The following CNTNAP2 variants were observed in gnomAD, a reference collection of about 807,000 sequenced individuals.
The protein encoded by CNTNAP2 is contactin associated protein 2, also known as contactin-associated protein-like 2.
A neutral mutation model predicts 155.2 loss-of-function variants in CNTNAP2; 98 were observed. The observed-to-expected ratio is 0.63, with a 90% CI of 0.54 to 0.75. The LOEUF (loss-of-function observed/expected upper bound fraction) is 0.75. CNTNAP2 is among the 30% of genes least tolerant of loss of function. CNTNAP2 has a pLI of 0.00. For missense variants in CNTNAP2, 1,727 were observed against 1,688.1 expected (o/e 1.02, Z -0.40); for synonymous variants, 651 against 631.2 (o/e 1.03, Z -0.47).
chr7:148,108,557 T>C (rs75255948), intron 15 of CNTNAP2, among the ~76,000 whole-genome samples: 1,578 of 152,104 alleles, frequency 0.01, 17 homozygotes, highest in South Asian at 0.044. Context: ...CTCCCCGTGG[T>C]TGGAACTGGA....
chr7:146,136,548 G>A (rs1353857291), intron 1 of CNTNAP2, among the ~76,000 whole-genome samples: 3 of 152,234 alleles, frequency 2.0e-5, no homozygotes, highest in Middle Eastern at 3.4e-3. Flanking sequence ...GGAAATTAGT[G>A]TGGCGTGGAG....
chr7:147,556,031 G>A (rs558763550), intron 11 of CNTNAP2, among the ~76,000 whole-genome samples: 43 of 152,336 alleles, frequency 2.8e-4, no homozygotes, highest in African/African-American at 9.9e-4. Context: ...GGCCACGTCT[G>A]CATGTAAGCA....
At chr7:147,830,549 G>T (rs1192068062) in intron 13 of CNTNAP2, among the ~76,000 whole-genome samples, 2 of 152,182 alleles carry the variant, frequency 1.3e-5, no homozygotes, top group Non-Finnish European at 2.9e-5. Context: ...AAGCTGTAAA[G>T]AAGGGAAAAT....
rs115701804 is a variant in CNTNAP2, at chr7:146,391,329, G to A, written c.97+274356G>A. ...GCCTTGCTTTTTGTGCTGGAGCATC[G>A]TCAGCACTTAGATGATGTGAGCTTT... is the stretch of plus-strand genomic sequence containing the variant. On this transcript the variant is annotated intron_variant, in intron 1 of 23. Coordinates refer to ENST00000361727, the MANE Select transcript of CNTNAP2 (RefSeq NM_014141.6). 6.9e-3 allele frequency among the ~76,000 whole-genome samples: 1,043 copies of A among 151,816 alleles called. 10 individuals are homozygous for A. The highest frequency in any genetic ancestry group is 0.023 in the African/African-American group (939 of 41,444).
chr7:146,635,472 C>T (rs1308001087), intron 1 of CNTNAP2, among the ~76,000 whole-genome samples: 2 of 152,084 alleles, frequency 1.3e-5, no homozygotes, highest in Non-Finnish European at 1.5e-5. Flanking sequence ...GATGACACAT[C>T]GTAGAGAAGA....
At chr7:148,405,581 C>T (rs1020796204) in intron 22 of CNTNAP2, among the ~76,000 whole-genome samples, 56 of 141,566 alleles carry the variant, frequency 4.0e-4, no homozygotes, top group South Asian at 6.9e-4. Context: ...GGACTACAGG[C>T]ACGTGCCACC....
At chr7:146,358,224 C>T (rs1028290252) in intron 1 of CNTNAP2, among the ~76,000 whole-genome samples, 5 of 151,860 alleles carry the variant, frequency 3.3e-5, no homozygotes, top group East Asian at 2.0e-4. Context: ...TTAGTAGAGA[C>T]GGGGTTTCCC....
chr7:147,770,098 C>T (rs1483376885), intron 13 of CNTNAP2, among the ~76,000 whole-genome samples: 1 of 152,158 alleles, frequency 6.6e-6, no homozygotes, highest in Non-Finnish European at 1.5e-5. Flanking sequence ...GAGTCAAATT[C>T]TCATTGAGGT....
chr7:147,429,036 T>C (rs1308009137), intron 10 of CNTNAP2, among the ~76,000 whole-genome samples: 2 of 152,124 alleles, frequency 1.3e-5, no homozygotes, highest in Non-Finnish European at 2.9e-5. Context: ...GTTTGATTTT[T>C]CTATTCCAGA....
chr7:146,737,360 G>T (rs185997339), intron 1 of CNTNAP2, among the ~76,000 whole-genome samples: 1 of 151,986 alleles, frequency 6.6e-6, no homozygotes, highest in Admixed American at 6.6e-5. Context: ...TTATACAATA[G>T]AACTCTTGAA....
intron 4 of CNTNAP2, among the ~76,000 whole-genome samples, chr7:147,060,548 C>G (rs950830891): frequency 2.0e-5 from 3 of 152,036 alleles, no homozygotes; most frequent in Admixed American, 6.6e-5. Context: ...CGGTGAAACC[C>G]TGTCTCTACT....
chr7:146,529,638 G>A (rs974897266), intron 1 of CNTNAP2, among the ~76,000 whole-genome samples: 20 of 151,984 alleles, frequency 1.3e-4, no homozygotes, highest in African/African-American at 4.8e-4. Context: ...AGCTCACATG[G>A]GCAGGAAAGC....
intron 10 of CNTNAP2, among the ~76,000 whole-genome samples, chr7:147,485,679 T>C (rs1376327739): frequency 6.6e-6 from 1 of 152,214 alleles, no homozygotes; most frequent in African/African-American, 2.4e-5. Flanking sequence ...GATATTCAAG[T>C]AAATCCCTCA....
intron 1 of CNTNAP2, among the ~76,000 whole-genome samples, chr7:146,702,598 T>A (rs73457216): frequency 0.087 from 13,206 of 152,144 alleles, 1,226 homozygotes; most frequent in African/African-American, 0.23. Flanking sequence ...CCTGATTTTT[T>A]AAATTTCATT....
In CNTNAP2 at chr7:147,169,434, T is replaced by C. The variant is rs550400175; in HGVS notation, c.1348+36925T>C. The stretch of plus-strand genomic sequence containing the variant: ...TTTTTCAATCAACGCCCTCCCTCTT[T>C]CCCCTCTCTAGTACTCTGCAGTGTC... On this transcript the variant is annotated intron_variant, in intron 8 of 23. Coordinates refer to ENST00000361727, the MANE Select transcript of CNTNAP2 (RefSeq NM_014141.6). Among the ~76,000 whole-genome samples, 3 of 152,290 alleles carry C rather than the reference T, an allele frequency of 2.0e-5. No individual in the cohort carries two copies. The South Asian group carries it at 6.2e-4, about 32-fold the overall frequency.
intron 22 of CNTNAP2, among the ~76,000 whole-genome samples, chr7:148,397,213 T>C (rs1487673387): frequency 6.6e-6 from 1 of 152,176 alleles, no homozygotes; most frequent in East Asian, 1.9e-4. Flanking sequence ...GCCACAGAAG[T>C]GCGGTGCACA....
chr7:146,995,705 T>C (rs1052519680), intron 3 of CNTNAP2, among the ~76,000 whole-genome samples: 2 of 152,100 alleles, frequency 1.3e-5, no homozygotes, highest in African/African-American at 2.4e-5. Context: ...CAGTTTCTTA[T>C]ACATTTTGAA....
chr7:146,272,161 C>T (rs969969271), intron 1 of CNTNAP2, among the ~76,000 whole-genome samples: 2 of 152,112 alleles, frequency 1.3e-5, no homozygotes, highest in African/African-American at 4.8e-5. Context: ...TCCTCACAAT[C>T]ATTGTGGAAG....
At chr7:148,219,335 C>G (rs970263363) in intron 19 of CNTNAP2, among the ~76,000 whole-genome samples, 1 of 152,152 alleles carries the variant, frequency 6.6e-6, no homozygotes, top group African/African-American at 2.4e-5. Context: ...TATGGAGACT[C>G]TCTCTCCCAC....
Sources: allele counts gnomAD v4.1 joint callset (sites outside exome capture counted in the v4.1 genomes callset), GRCh38; gene constraint gnomAD v4.1.1; transcripts MANE v1.5; gene names NCBI Gene and HGNC (gene_info 2026-07-23, HGNC 2026-07-21).